The following HERC4 variants were observed in gnomAD, a reference collection of about 807,000 sequenced individuals.
The protein encoded by HERC4 is HECT and RLD domain containing E3 ubiquitin protein ligase 4.
HERC4 carries 28 observed loss-of-function variants against 124.3 expected under a neutral mutation model. The ratio of observed to expected loss-of-function variants is 0.23; its 90% CI spans 0.17 to 0.31. The LOEUF (loss-of-function observed/expected upper bound fraction) is 0.31. Among genes scored for constraint, HERC4 ranks in the 10% least tolerant of loss-of-function variants. HERC4 has a pLI of 1.00. For synonymous variants in HERC4, 407 were observed against 421.5 expected, an observed-to-expected ratio of 0.97 and a Z score of 0.42; for missense variants, 713 against 1,229.3, an observed-to-expected ratio of 0.58 and a Z score of 6.28.
intron 15 of HERC4, among the ~76,000 whole-genome samples, chr10:67,977,089 T>C (rs1268551616): frequency 6.6e-6 from 1 of 152,194 alleles, no homozygotes; most frequent in African/African-American, 2.4e-5. Flanking sequence ...TAGGGACTGC[T>C]GGCACTACCC....
intron 15 of HERC4, among the ~76,000 whole-genome samples, chr10:67,984,041 C>T (rs1324063678): frequency 6.6e-6 from 1 of 151,988 alleles, no homozygotes; most frequent in Non-Finnish European, 1.5e-5. Flanking sequence ...GTGGCTCACG[C>T]CCGTAATCCC....
intron 16 of HERC4, among the ~76,000 whole-genome samples, chr10:67,963,153 T>C (rs2034628414): frequency 6.6e-6 from 1 of 152,202 alleles, no homozygotes; most frequent in Non-Finnish European, 1.5e-5. Flanking sequence ...TGAGTTAGAA[T>C]TCTTCATCAT....
At chr10:68,059,807 T>TTATAATATTATATATCATAATATTA (rs2040866460) in intron 3 of HERC4, among the ~76,000 whole-genome samples, 2 of 86,326 alleles carry the variant, frequency 2.3e-5, no homozygotes, top group African/African-American at 5.9e-5. Flanking sequence ...ATATTATATA[T>TTATAATATTATATATCATAATATTA]TATAATATTA....
intron 9 of HERC4, chr10:68,010,279 C>A: frequency 2.0e-6 from 2 of 990,950 alleles, no homozygotes; most frequent in Non-Finnish European, 3.1e-6. Flanking sequence ...CAGTGCAGTG[C>A]AGTGCAATGA....
chr10:68,035,420 T>C (rs1354285423), intron 5 of HERC4, among the ~76,000 whole-genome samples: 1 of 152,154 alleles, frequency 6.6e-6, no homozygotes, highest in African/African-American at 2.4e-5. Context: ...CCTCCCAAAG[T>C]GCTAAGATTA....
At chr10:67,934,042 A>C (rs2032099315) in intron 22 of HERC4, among the ~76,000 whole-genome samples, 1 of 152,188 alleles carries the variant, frequency 6.6e-6, no homozygotes, top group Non-Finnish European at 1.5e-5. Context: ...CCGCTATTAA[A>C]AGGCAACTAT....
Position 68,014,057 on chromosome 10 carries a change from G to A in HERC4, c.1038C>T (p.Tyr346=), listed in dbSNP as rs1303911903. The stretch of plus-strand genomic sequence containing the variant: ...CTGGTAGACACTGCCCATTATAGGG[G>A]TACCAATTTCCTTTTACAGTAAAGG... The part of the protein sequence containing the change: ...KSPFTVKGNW[Y]PYNGQCLPDI... The change falls in exon 9 of 25, where the codon TAC becomes TAT. Residue 346 remains tyrosine (Y), a synonymous_variant. Transcript: ENST00000373700. The A allele has an allele frequency of 8.7e-6, 14 of 1,612,810 alleles. No homozygotes were observed. The highest frequency in any genetic ancestry group is 1.7e-4 in the Middle Eastern group (1 of 6,060).
intron 3 of HERC4, among the ~76,000 whole-genome samples, chr10:68,051,799 C>T (rs1234067198): frequency 1.3e-5 from 2 of 151,648 alleles, no homozygotes; most frequent in East Asian, 3.9e-4. Flanking sequence ...AGTGATCCTC[C>T]CACCTCAGGC....
chr10:68,028,539 A>C (rs550490227), intron 7 of HERC4, among the ~76,000 whole-genome samples: 2 of 152,328 alleles, frequency 1.3e-5, no homozygotes, highest in South Asian at 4.1e-4. Flanking sequence ...ACTCTTCTCT[A>C]AGAAGCCCTG....
intron 3 of HERC4, among the ~76,000 whole-genome samples, chr10:68,059,699 A>ATTATATATC (rs1564608759): frequency 1.6e-5 from 1 of 62,804 alleles, no homozygotes; most frequent in African/African-American, 1.4e-4. Flanking sequence ...TATATATTAT[A>ATTATATATC]ATATTATATA....
chr10:68,008,677 A>G (rs1281229416), intron 9 of HERC4, among the ~76,000 whole-genome samples: 4 of 152,200 alleles, frequency 2.6e-5, no homozygotes, highest in Non-Finnish European at 4.4e-5. Flanking sequence ...ACACTCCTGT[A>G]TATACCCAAA....
At chr10:67,930,737 T>G (rs1300704403) in intron 23 of HERC4, among the ~76,000 whole-genome samples, 1 of 152,218 alleles carries the variant, frequency 6.6e-6, no homozygotes, top group Non-Finnish European at 1.5e-5. Context: ...TCCTCAAAGC[T>G]GATCTAACCT....
intron 19 of HERC4, among the ~76,000 whole-genome samples, chr10:67,952,818 T>C (rs1047896567): frequency 1.3e-5 from 2 of 151,072 alleles, no homozygotes; most frequent in African/African-American, 4.9e-5. Context: ...GAGAATGGCA[T>C]GAACCTGGGA....
At chr10:68,039,386 T>C (rs1049948824) in intron 4 of HERC4, 1 of 1,544,636 alleles carries the variant, frequency 6.5e-7, no homozygotes, top group Non-Finnish European at 8.7e-7. Flanking sequence ...ATATGTTTCT[T>C]ATTTCCCTTT....
At chr10:68,059,400 A>G (rs978779719) in intron 3 of HERC4, among the ~76,000 whole-genome samples, 2 of 142,098 alleles carry the variant, frequency 1.4e-5, no homozygotes, top group African/African-American at 5.3e-5. Context: ...CACATTTCTT[A>G]CTACTTTATT....
intron 3 of HERC4, chr10:68,069,228 T>A: frequency 1.1e-6 from 1 of 950,722 alleles, no homozygotes; most frequent in Non-Finnish European, 1.3e-6. Context: ...AAACAACAAT[T>A]CATTTAAATG....
chr10:68,016,455 C>A (rs547344864), intron 8 of HERC4, among the ~76,000 whole-genome samples: 2 of 152,112 alleles, frequency 1.3e-5, no homozygotes, highest in African/African-American at 2.4e-5. Context: ...CGGATTCAAG[C>A]GAGTCTCCTG....
intron 19 of HERC4, among the ~76,000 whole-genome samples, chr10:67,943,988 C>T (rs2033127348): frequency 6.6e-6 from 1 of 152,228 alleles, no homozygotes; most frequent in Non-Finnish European, 1.5e-5. Context: ...GGCTCTCAGA[C>T]AGCATTTCTG....
At chr10:68,058,229 T>C (rs1314379653) in intron 3 of HERC4, among the ~76,000 whole-genome samples, 1 of 152,204 alleles carries the variant, frequency 6.6e-6, no homozygotes, top group Non-Finnish European at 1.5e-5. Context: ...TTTAAAATTT[T>C]GGCATAGTCT....
Sources: gnomAD v4.1 joint callset for allele counts (sites outside exome capture counted in the v4.1 genomes callset) on GRCh38, gnomAD v4.1.1 for gene constraint, MANE v1.5 for transcripts, NCBI Gene and HGNC (gene_info 2026-07-23, HGNC 2026-07-21) for gene names.